AXDND1: variants seen among roughly 807,000 people sequenced by gnomAD.
AXDND1 encodes the protein axonemal dynein light chain domain containing 1.
A neutral mutation model predicts 137.5 loss-of-function variants in AXDND1; 110 were observed. The observed-to-expected ratio is 0.80, with a 90% confidence interval of 0.69 to 0.94. The LOEUF (loss-of-function observed/expected upper bound fraction) is 0.94. AXDND1 is among the 40% of genes least tolerant of loss of function. The probability of loss-of-function intolerance (pLI) is 0.00; values close to 1 mark genes in which losing one functional copy is unlikely to be tolerated. For synonymous variants in AXDND1, 414 were observed against 399.7 expected, an observed-to-expected ratio of 1.04 and a Z score of -0.43; for missense variants, 1,191 against 1,169.8, an observed-to-expected ratio of 1.02 and a Z score of -0.26.
chr1:179,388,796 A>G (rs888152857), intron 9 of AXDND1, among the ~76,000 whole-genome samples: 1 of 147,320 alleles, frequency 6.8e-6, no homozygotes, highest in Admixed American at 6.9e-5. Context: ...AGGGTTCGCC[A>G]TATTGGCCAG....
intron 18 of AXDND1, 142 bp downstream of exon 18, chr1:179,483,363 A>T (rs1185555703): frequency 3.9e-6 from 2 of 508,968 alleles, no homozygotes; most frequent in Non-Finnish European, 6.9e-6. Context: ...TTCTCAAATA[A>T]TTTTCAATGG....
intron 25 of AXDND1, among the ~76,000 whole-genome samples, chr1:179,538,847 A>G (rs1271252345): frequency 6.6e-6 from 1 of 152,104 alleles, no homozygotes; most frequent in Non-Finnish European, 1.5e-5. Flanking sequence ...GTAGGTCTCT[A>G]AAAACTTGCT....
chr1:179,386,290 T>C (rs1649212181), intron 9 of AXDND1, among the ~76,000 whole-genome samples: 1 of 152,150 alleles, frequency 6.6e-6, no homozygotes, highest in Non-Finnish European at 1.5e-5. Flanking sequence ...CCTCGTGATC[T>C]GCCTGCCTTG....
At chr1:179,381,820 G>A (rs777816306) in intron 6 of AXDND1, among the ~76,000 whole-genome samples, 11 of 151,550 alleles carry the variant, frequency 7.3e-5, no homozygotes, top group Admixed American at 5.3e-4. Context: ...TGCTGTTGTT[G>A]CCCAAGCTGG....
intron 25 of AXDND1, among the ~76,000 whole-genome samples, chr1:179,546,502 C>T (rs558863682): frequency 2.6e-5 from 4 of 152,206 alleles, no homozygotes; most frequent in Admixed American, 6.5e-5. Flanking sequence ...GGAACTTCTG[C>T]TGCTCATCAC....
At chr1:179,421,325 CCTTCCTTCCTTT>C (rs372197555) in intron 12 of AXDND1, among the ~76,000 whole-genome samples, 1,966 of 146,440 alleles carry the variant, frequency 0.013, 40 homozygotes, top group African/African-American at 0.047. Flanking sequence ...TCTATGGTTT[CCTTCCTTCCTTT>C]CTTCCTTCCT....
chr1:179,374,160 C>A (rs186277172), intron 4 of AXDND1, among the ~76,000 whole-genome samples: 2 of 152,260 alleles, frequency 1.3e-5, no homozygotes, highest in East Asian at 3.9e-4. Context: ...AAAAAGTGGG[C>A]AAAGGATACA....
At chr1:179,546,663 C>T (rs1672678304) in intron 25 of AXDND1, among the ~76,000 whole-genome samples, 1 of 152,164 alleles carries the variant, frequency 6.6e-6, no homozygotes, top group Non-Finnish European at 1.5e-5. Flanking sequence ...CCTCATCATA[C>T]TCCTCTGTGT....
intron 19 of AXDND1, among the ~76,000 whole-genome samples, chr1:179,492,644 G>A (rs76303276): frequency 0.026 from 3,958 of 152,196 alleles, 192 homozygotes; most frequent in African/African-American, 0.09. Context: ...TCAAGAATAA[G>A]AGGGATGGAA....
intron 21 of AXDND1, among the ~76,000 whole-genome samples, chr1:179,516,564 T>C (rs1471836089): frequency 1.3e-5 from 2 of 152,236 alleles, no homozygotes; most frequent in African/African-American, 2.4e-5. Flanking sequence ...GTTTTCTGGT[T>C]CCTTCTCATT....
At chr1:179,398,728 G>A (rs1279367454) in intron 11 of AXDND1, among the ~76,000 whole-genome samples, 1 of 152,158 alleles carries the variant, frequency 6.6e-6, no homozygotes, top group African/African-American at 2.4e-5. Flanking sequence ...TCAGGGCAGG[G>A]GAGAGTCCAC....
chr1:179,539,370 T>C (rs142243878), intron 25 of AXDND1, among the ~76,000 whole-genome samples: 4,730 of 152,312 alleles, frequency 0.031, 275 homozygotes, highest in African/African-American at 0.11. Flanking sequence ...CAGGAGCTCT[T>C]GTAAGGCAGA....
At chr1:179,406,033 A>G (rs2125195408) in intron 11 of AXDND1, among the ~76,000 whole-genome samples, 1 of 152,100 alleles carries the variant, frequency 6.6e-6, no homozygotes, top group South Asian at 2.1e-4. Context: ...TCTTAGCACT[A>G]CTTTTGCATT....
chr1:179,533,741 A>G, intron 23 of AXDND1, 54 bp from the exon 24 acceptor site: 1 of 1,360,876 alleles, frequency 7.3e-7, no homozygotes, highest in Non-Finnish European at 1.0e-6. Flanking sequence ...AAAAAAGTAG[A>G]ATACTAATTG....
At chr1:179,517,182 A>G (rs1337245889) in intron 21 of AXDND1, among the ~76,000 whole-genome samples, 1 of 151,992 alleles carries the variant, frequency 6.6e-6, no homozygotes, top group East Asian at 1.9e-4. Flanking sequence ...TGTACCTAGG[A>G]GGATTATGGC....
intron 23 of AXDND1, among the ~76,000 whole-genome samples, chr1:179,529,611 A>G (rs539032921): frequency 7.2e-5 from 11 of 152,320 alleles, no homozygotes; most frequent in African/African-American, 2.6e-4. Context: ...TTGGCTGGCA[A>G]AGGTGGCCTT....
chr1:179,534,661 A>T, intron 24 of AXDND1, 69 bp from the exon 25 acceptor site: 1 of 1,509,278 alleles, frequency 6.6e-7, no homozygotes, highest in Non-Finnish European at 8.8e-7. Flanking sequence ...CTTTTTAGAA[A>T]ATGAGTTTCG....
At chr1:179,391,682 A>G (rs966389467) in intron 9 of AXDND1, among the ~76,000 whole-genome samples, 6 of 151,832 alleles carry the variant, frequency 4.0e-5, no homozygotes, top group African/African-American at 1.5e-4. Flanking sequence ...GATTACAAGT[A>G]TGCATTACCA....
intron 20 of AXDND1, among the ~76,000 whole-genome samples, chr1:179,508,523 A>G (rs1432219580): frequency 6.6e-6 from 1 of 152,144 alleles, no homozygotes; most frequent in East Asian, 1.9e-4. Flanking sequence ...CTAATAAGGA[A>G]TAATGTACCT....
Sources: gnomAD v4.1 joint callset for allele counts (sites outside exome capture counted in the v4.1 genomes callset) on GRCh38, gnomAD v4.1.1 for gene constraint, MANE v1.5 for transcripts, NCBI Gene and HGNC (gene_info 2026-07-23, HGNC 2026-07-21) for gene names.